Variants in CEP97 observed in about 807,000 individuals in gnomAD.
CEP97 encodes centrosomal protein 97.
Under a neutral mutation model 73.1 loss-of-function variants are expected in CEP97, and 43 were observed. That is an observed-to-expected ratio of 0.59 (90% CI 0.46 to 0.76). The LOEUF (loss-of-function observed/expected upper bound fraction) is 0.76. CEP97 is among the 30% of genes least tolerant of loss of function. The pLI, the probability that CEP97 is intolerant of heterozygous loss-of-function variation, is 0.00. For synonymous variants in CEP97, 337 were observed against 370.0 expected, an observed-to-expected ratio of 0.91 and a Z score of 1.02; for missense variants, 939 against 1,014.0, an observed-to-expected ratio of 0.93 and a Z score of 1.00.
chr3:101,732,529 G>A lies in CEP97; in HGVS notation c.603G>A (p.Ser201=), dbSNP rs368081844. 205 of 1,613,090 alleles carry A rather than the reference G, an allele frequency of 1.3e-4. 1 individual carries two copies. The highest frequency in any genetic ancestry group is 1.2e-3 in the South Asian group (106 of 90,988). ...LASLTELEQL[S]IMNNPCVMAT... The stretch of plus-strand genomic sequence containing the variant: ...CCTTAACTGAATTGGAACAGTTGTC[G>A]ATTATGAACAATCCTTGTGTGATGG... Residue 201 remains serine (S), a synonymous_variant, in exon 6 of 11, where the codon TCG becomes TCA. Coordinates refer to ENST00000341893, the MANE Select transcript of CEP97 (RefSeq NM_024548.4).
chr3:101,729,337 C>CAA (rs67654517), intron 4 of CEP97, among the ~76,000 whole-genome samples: 2 of 130,234 alleles, frequency 1.5e-5, no homozygotes, highest in African/African-American at 2.8e-5. Flanking sequence ...GACTCAGTCT[C>CAA]AAAAAAAAAA....
chr3:101,737,384 A>G lies in CEP97; in HGVS notation c.728+4730A>G, dbSNP rs151165223. ...CTCGAGAAGAGCAACCCCAAGACAC[A>G]TAATTGCCAGATTCGCCAAAGTTGA... On this transcript the variant is annotated intron_variant, in intron 6 of 10. Coordinates refer to ENST00000341893, the MANE Select transcript of CEP97 (RefSeq NM_024548.4). Among the ~76,000 whole-genome samples the G allele has an allele frequency of 3.5e-4, 54 of 152,336 alleles. No individual in the cohort carries two copies. The East Asian group carries it at 0.01, about 28-fold the overall frequency.
chr3:101,763,750 T>C (rs906923027), intron 10 of CEP97, among the ~76,000 whole-genome samples: 1 of 152,236 alleles, frequency 6.6e-6, no homozygotes, highest in African/African-American at 2.4e-5. Context: ...TATACTATAT[T>C]GTTAGCTAAT....
chr3:101,759,405 T>C (rs1485307496), intron 9 of CEP97: 1 of 152,214 alleles, frequency 6.6e-6, no homozygotes, highest in Non-Finnish European at 1.5e-5. Context: ...TTACCTCATC[T>C]TTGGTGTCCA....
At chr3:101,752,399 C>T (rs1029082568) in intron 6 of CEP97, among the ~76,000 whole-genome samples, 2 of 152,076 alleles carry the variant, frequency 1.3e-5, no homozygotes, top group Admixed American at 1.3e-4. Context: ...CAAGGAGTAT[C>T]TTTGTGGCGT....
In CEP97 at chr3:101,767,717, T is replaced by C. The variant is rs1425966876; in HGVS notation, c.*2166T>C. 6.6e-6 allele frequency: 1 copy of C among 152,212 alleles called. No individual in the cohort carries two copies. The allele number at this position is 152,212 out of a possible 1,614,324, so 9.4% of individuals were successfully genotyped here. Reference sequence around the variant, plus strand: ...TACTTTCATTAAAAATTTGGCACAATATGATAATTGTTAATATTCTGTTCT... The same window carrying C: ...TACTTTCATTAAAAATTTGGCACAACATGATAATTGTTAATATTCTGTTCT... On this transcript the variant is annotated 3_prime_UTR_variant, in exon 11 of 11. Coordinates refer to ENST00000341893, the MANE Select transcript of CEP97 (RefSeq NM_024548.4).
Position 101,765,052 on chromosome 3 carries a change from A to G in CEP97, c.2099A>G (p.Asp700Gly), listed in dbSNP as rs770765771. 1.5e-5 allele frequency: 25 copies of G among 1,613,828 alleles called. No individual in the cohort carries two copies. Among genetic ancestry groups the G allele is most frequent in the Non-Finnish European group, 2.0e-5 (24 of 1,179,990 alleles). ...PQEKSLPEFP[D>G]SGFHSSLTEQ... is the part of the protein sequence containing the mutation. ...GAGAAATCATTACCAGAATTTCCAG[A>G]CTCTGGTTTTCATTCCTCTCTAACA... Residue 700 changes from aspartate to glycine, a missense_variant, in exon 11 of 11, where the codon GAC becomes GGC. Coordinates refer to ENST00000341893, the MANE Select transcript of CEP97 (RefSeq NM_024548.4).
In CEP97 at chr3:101,769,855, A is replaced by G. The variant is rs1939416705; in HGVS notation, c.*4304A>G. 6.6e-6 allele frequency: 1 copy of G among 152,226 alleles called. No homozygotes were observed. The highest frequency in any genetic ancestry group is 1.5e-5 in the Non-Finnish European group (1 of 68,038). 9.4% of individuals were successfully genotyped at this position (152,226 alleles called of 1,614,324 possible). A position where few individuals can be genotyped will look rare whatever the true frequency, so the allele number is the denominator to read the frequency against. On this transcript the variant is annotated 3_prime_UTR_variant, in exon 11 of 11. Transcript: ENST00000341893. ...CTTGTTGTGCCATATTAAAATTAAA[A>G]GTCAAATAAACAAAGCAGTCCTCAC...
At position 101,733,675 on chromosome 3, in the gene CEP97, C is replaced by T. The variant is rs1478394981; in HGVS notation, c.728+1021C>T. Reference sequence around the variant, plus strand: ...CCTCCCGAGTAGCTGGGACTACAGGCGCCCGCCACTACGCCCGGCTAATTT... The same window carrying T: ...CCTCCCGAGTAGCTGGGACTACAGGTGCCCGCCACTACGCCCGGCTAATTT... On this transcript the variant is annotated intron_variant, in intron 6 of 10. Transcript: ENST00000341893. 6.5e-4 allele frequency among the ~76,000 whole-genome samples: 98 copies of T among 150,922 alleles called. 1 individual carries two copies. The highest frequency in any genetic ancestry group is 2.2e-3 in the African/African-American group (91 of 41,360).
intron 10 of CEP97, among the ~76,000 whole-genome samples, chr3:101,763,935 A>G (rs181822398): frequency 1.4e-5 from 2 of 141,598 alleles, no homozygotes; most frequent in Non-Finnish European, 3.1e-5. Flanking sequence ...CCCCTTAGTC[A>G]GCTAGACATG....
At position 101,755,402 on chromosome 3, in the gene CEP97, TC is replaced by T. The variant is rs1333831711; in HGVS notation, c.729-26del. On this transcript the variant is annotated intron_variant, in intron 6 of 10. Transcript: ENST00000341893. ...GTGTGTTGACTATTCTCATGCCATCTCCTCTTTTTTATGTTCCCCAATTCCA... is the reference window on the plus strand; with the variant it reads ...GTGTGTTGACTATTCTCATGCCATCTCTCTTTTTTATGTTCCCCAATTCCA... 4.4e-6 allele frequency: 7 copies of T among 1,607,084 alleles called. No homozygotes were observed. The African/African-American group carries it at 9.4e-5, about 21-fold the overall frequency.
chr3:101,732,613 C>T lies in CEP97; in HGVS notation c.687C>T (p.Asn229=), dbSNP rs761101548. ...YRPYIVSWCL[N]LRVLDGYVIS... is the part of the protein sequence containing the mutation. ...CGTACATCGTCAGCTGGTGCCTAAACCTCAGAGTCCTAGATGGATATGTGA... is the reference window on the plus strand; with the variant it reads ...CGTACATCGTCAGCTGGTGCCTAAATCTCAGAGTCCTAGATGGATATGTGA... The change falls in exon 6 of 11, where the codon AAC becomes AAT. Residue 229 remains asparagine (N), a synonymous_variant. Transcript: ENST00000341893. 6.2e-7 allele frequency: 1 copy of T among 1,613,934 alleles called. No homozygotes were observed. The highest frequency in any genetic ancestry group is 8.5e-7 in the Non-Finnish European group (1 of 1,179,884).
chr3:101,731,190 G>T (rs1421997589), intron 4 of CEP97, among the ~76,000 whole-genome samples: 1 of 131,244 alleles, frequency 7.6e-6, no homozygotes, highest in African/African-American at 2.9e-5. Context: ...TTGTTTTAAT[G>T]ACTTTTTTTT....
Position 101,765,536 on chromosome 3 carries a change from T to C in CEP97, c.2583T>C (p.Val861=). 1 of 1,609,836 alleles carries C rather than the reference T, an allele frequency of 6.2e-7. No homozygotes were observed. ...ECDSTFQLLH[V]GVTV ...ATTCTACATTTCAGCTATTGCATGTTGGTGTTACTGTGTAGCATGTCTTTT... is the reference window on the plus strand; with the variant it reads ...ATTCTACATTTCAGCTATTGCATGTCGGTGTTACTGTGTAGCATGTCTTTT... Residue 861 remains valine (V), a synonymous_variant, in exon 11 of 11, where the codon GTT becomes GTC. Transcript: ENST00000341893.
At position 101,726,679 on chromosome 3, in the gene CEP97, G is replaced by A. The variant is rs761771690; in HGVS notation, c.129G>A (p.Leu43=). 6.2e-7 allele frequency: 1 copy of A among 1,608,082 alleles called. No individual in the cohort carries two copies. Among genetic ancestry groups the A allele is most frequent in the Non-Finnish European group, 8.5e-7 (1 of 1,175,382 alleles). ...AAGCTGATATTCACACTTTGATTCT[G>A]GATAAAAATCAGATTATTAAATTGG... is the stretch of plus-strand genomic sequence containing the variant. ...PCEADIHTLI[L]DKNQIIKLEN... The change falls in exon 2 of 11, where the codon CTG becomes CTA. Residue 43 remains leucine, a synonymous_variant. Transcript: ENST00000341893.
intron 6 of CEP97, among the ~76,000 whole-genome samples, chr3:101,746,377 A>G (rs1175919669): frequency 1.3e-5 from 2 of 151,508 alleles, no homozygotes; most frequent in Non-Finnish European, 2.9e-5. Context: ...AACGCCGCAT[A>G]TCTACAACTA....
chr3:101,732,972 A>C (rs976376467), intron 6 of CEP97, among the ~76,000 whole-genome samples: 4 of 151,300 alleles, frequency 2.6e-5, no homozygotes, highest in Non-Finnish European at 4.4e-5. Context: ...AAAAAAAAAA[A>C]ATTAGCTGGG....
chr3:101,769,862 TAAAC>T lies in CEP97; in HGVS notation c.*4315_*4318del, dbSNP rs1337791595. 2 of 152,174 alleles carry T rather than the reference TAAAC, an allele frequency of 1.3e-5. No homozygotes were observed. The highest frequency in any genetic ancestry group is 2.4e-5 in the African/African-American group (1 of 41,454). 9.4% of individuals were successfully genotyped at this position (152,174 alleles called of 1,614,324 possible). On this transcript the variant is annotated 3_prime_UTR_variant, in exon 11 of 11. Transcript: ENST00000341893. ...TGCCATATTAAAATTAAAAGTCAAA[TAAAC>T]AAAGCAGTCCTCACAGCCTTGGAAA...
At chr3:101,760,276 G>A (rs1406141706) in intron 9 of CEP97, among the ~76,000 whole-genome samples, 1 of 152,140 alleles carries the variant, frequency 6.6e-6, no homozygotes, top group Non-Finnish European at 1.5e-5. Context: ...AGAAGTATGA[G>A]GTGTGAGGTA....
Sources: allele counts gnomAD v4.1 joint callset (sites outside exome capture counted in the v4.1 genomes callset), GRCh38; gene constraint gnomAD v4.1.1; transcripts MANE v1.5; gene names NCBI Gene and HGNC (gene_info 2026-07-23, HGNC 2026-07-21).